The following UHRF2 variants were observed in gnomAD, a reference collection of about 807,000 sequenced individuals.
UHRF2 encodes the protein E3 ubiquitin-protein ligase UHRF2.
A neutral mutation model predicts 96.8 loss-of-function variants in UHRF2; 23 were observed. That is an observed-to-expected ratio of 0.24 (90% CI 0.17 to 0.34). The LOEUF is 0.34. Among genes scored for constraint, UHRF2 ranks in the 10% least tolerant of loss-of-function variants. The pLI is 1.00. For synonymous variants in UHRF2, 385 were observed against 332.6 expected, an observed-to-expected ratio of 1.16 and a Z score of -1.72; for missense variants, 685 against 981.5, an observed-to-expected ratio of 0.70 and a Z score of 4.04.
chr9:6,451,114 A>C (rs555774721), intron 3 of UHRF2, among the ~76,000 whole-genome samples: 2 of 152,152 alleles, frequency 1.3e-5, no homozygotes, highest in African/African-American at 4.8e-5. Flanking sequence ...GCTTTATCCT[A>C]CTCACGGTAG....
chr9:6,429,468 A>G (rs1271766728), intron 2 of UHRF2, among the ~76,000 whole-genome samples: 1 of 152,024 alleles, frequency 6.6e-6, no homozygotes, highest in Non-Finnish European at 1.5e-5. Context: ...AGGCTGGAGT[A>G]TAGTGGCGGG....
intron 8 of UHRF2, among the ~76,000 whole-genome samples, chr9:6,484,314 A>T (rs777577232): frequency 2.1e-4 from 32 of 152,062 alleles, no homozygotes; most frequent in Admixed American, 2.6e-4. Context: ...GGCCTAAAGC[A>T]GTACTCCAGC....
At chr9:6,470,160 G>A (rs1371525486) in intron 4 of UHRF2, among the ~76,000 whole-genome samples, 1 of 152,112 alleles carries the variant, frequency 6.6e-6, no homozygotes, top group Non-Finnish European at 1.5e-5. Flanking sequence ...ATCACTTGAG[G>A]TCAGGAATTC....
chr9:6,425,592 C>T (rs1211334459), intron 2 of UHRF2, among the ~76,000 whole-genome samples: 1 of 150,344 alleles, frequency 6.7e-6, no homozygotes, highest in South Asian at 2.1e-4. Flanking sequence ...CCATCTCTGC[C>T]GAAAATTAAA....
At chr9:6,477,536 G>C in intron 5 of UHRF2, 86 bp from the exon 6 acceptor site, 1 of 1,294,172 alleles carries the variant, frequency 7.7e-7, no homozygotes, top group Non-Finnish European at 1.0e-6. Flanking sequence ...CAAAAAAAAT[G>C]CTGTTTCCAT....
At chr9:6,462,144 ATTT>A (rs1411667584) in intron 4 of UHRF2, among the ~76,000 whole-genome samples, 1 of 152,182 alleles carries the variant, frequency 6.6e-6, no homozygotes, top group African/African-American at 2.4e-5. Context: ...CTAGCTGCCT[ATTT>A]TTGTAAATAA....
At chr9:6,493,246 C>T (rs568549720) in intron 9 of UHRF2, among the ~76,000 whole-genome samples, 2 of 151,980 alleles carry the variant, frequency 1.3e-5, no homozygotes, top group East Asian at 1.9e-4. Flanking sequence ...TACAGCGAGC[C>T]GAGATCGTGC....
intron 9 of UHRF2, among the ~76,000 whole-genome samples, chr9:6,487,366 T>G (rs1824364565): frequency 6.6e-6 from 1 of 151,844 alleles, no homozygotes; most frequent in East Asian, 1.9e-4. Context: ...TTTTTGTATT[T>G]TTATGTATTT....
intron 4 of UHRF2, among the ~76,000 whole-genome samples, chr9:6,466,854 C>G (rs144434027): frequency 1.1e-3 from 174 of 152,348 alleles, no homozygotes; most frequent in African/African-American, 4.1e-3. Flanking sequence ...CTTACTCTGT[C>G]TCTTATTTCA....
At chr9:6,419,938 T>C (rs1819830070) in intron 1 of UHRF2, among the ~76,000 whole-genome samples, 1 of 152,068 alleles carries the variant, frequency 6.6e-6, no homozygotes, top group South Asian at 2.1e-4. Flanking sequence ...TTTTTATTTT[T>C]TGTAGAGATG....
In UHRF2 at chr9:6,460,747, A is replaced by G; in HGVS notation, c.819A>G (p.Thr273=). ...WFDAEITTLK[T]ISRTKKELRV... ...ATGCAGAAATTACCACATTGAAGAC[A>G]ATCTCAAGGACCAAAAAAGAACTTC... Residue 273 remains threonine (T), a synonymous_variant, in exon 4 of 16, where the codon ACA becomes ACG. Transcript: ENST00000276893. 6.2e-7 allele frequency: 1 copy of G among 1,613,800 alleles called. No homozygotes were observed. Among genetic ancestry groups the G allele is most frequent in the Non-Finnish European group, 8.5e-7 (1 of 1,179,916 alleles).
At chr9:6,458,119 C>T (rs1412866869) in intron 3 of UHRF2, among the ~76,000 whole-genome samples, 2 of 152,206 alleles carry the variant, frequency 1.3e-5, no homozygotes, top group Non-Finnish European at 2.9e-5. Context: ...TAGAATTCAG[C>T]TGTGAATCCG....
intron 2 of UHRF2, chr9:6,422,822 T>C (rs974878998): frequency 2.8e-5 from 11 of 395,516 alleles, no homozygotes; most frequent in African/African-American, 2.1e-4. Flanking sequence ...ATATTTAATA[T>C]TTTGCTTTAT....
intron 2 of UHRF2, among the ~76,000 whole-genome samples, chr9:6,429,263 A>G (rs925712210): frequency 1.4e-4 from 22 of 152,150 alleles, no homozygotes; most frequent in Non-Finnish European, 2.9e-5. Flanking sequence ...TTACCTGTGT[A>G]TCTCTTGAGC....
intron 1 of UHRF2, among the ~76,000 whole-genome samples, chr9:6,420,306 C>T (rs1439281189): frequency 4.0e-5 from 6 of 151,720 alleles, no homozygotes; most frequent in Non-Finnish European, 8.8e-5. Context: ...CTGCTCTTTT[C>T]GGCCTCCCAA....
chr9:6,502,675 A>G (rs1483761810), intron 14 of UHRF2, among the ~76,000 whole-genome samples: 1 of 152,160 alleles, frequency 6.6e-6, no homozygotes. Context: ...CTGCCTTTTT[A>G]TTACCACTGT....
intron 2 of UHRF2, among the ~76,000 whole-genome samples, chr9:6,429,047 C>CCCAG (rs1820427817): frequency 6.6e-6 from 1 of 152,098 alleles, no homozygotes; most frequent in East Asian, 1.9e-4. Flanking sequence ...TACCTGTAAT[C>CCCAG]CCAGCTACTC....
intron 3 of UHRF2, among the ~76,000 whole-genome samples, chr9:6,457,958 C>G (rs1822283920): frequency 6.6e-6 from 1 of 152,098 alleles, no homozygotes; most frequent in Admixed American, 6.5e-5. Context: ...GGATATTGGC[C>G]TGAAATTTTC....
chr9:6,471,832 T>C (rs1823258815), intron 4 of UHRF2, among the ~76,000 whole-genome samples: 1 of 152,106 alleles, frequency 6.6e-6, no homozygotes, highest in Non-Finnish European at 1.5e-5. Context: ...AGCTCTATAT[T>C]GAGAAGAAAC....
Sources: gnomAD v4.1 joint callset for allele counts (sites outside exome capture counted in the v4.1 genomes callset) on GRCh38, gnomAD v4.1.1 for gene constraint, MANE v1.5 for transcripts, NCBI Gene and HGNC (gene_info 2026-07-23, HGNC 2026-07-21) for gene names.